Variants in STXBP5 observed in about 807,000 individuals in gnomAD.
STXBP5 encodes the protein syntaxin-binding protein 5.
STXBP5 carries 50 observed loss-of-function variants against 152.4 expected under a neutral mutation model. That is an observed-to-expected ratio of 0.33 (90% CI 0.26 to 0.42). The LOEUF (loss-of-function observed/expected upper bound fraction) is 0.42. Among genes scored for constraint, STXBP5 ranks in the 10% least tolerant of loss-of-function variants. STXBP5 has a pLI of 1.00. For missense variants in STXBP5, 1,167 were observed against 1,388.6 expected (o/e 0.84, Z 2.54); for synonymous variants, 492 against 494.7 (o/e 0.99, Z 0.07).
chr6:147,324,902 T>A, intron 16 of STXBP5, 57 bp from the exon 17 acceptor site: 1 of 1,344,178 alleles, frequency 7.4e-7, no homozygotes, highest in South Asian at 2.2e-5. Flanking sequence ...TTATTTATAA[T>A]CATATAGGCC....
rs781450170 is a variant in STXBP5, at chr6:147,359,319, A to G, written c.2541A>G (p.Pro847=). Residue 847 remains proline, a synonymous_variant, in exon 23 of 28, where the codon CCA becomes CCG. Transcript: ENST00000321680. ...QRLLQPVIVS[P]SGTILRLKGA... ...TTCTTCAGCCAGTAATTGTGTCTCC[A>G]AGTGGTATGTATTGCTGCTGCACTT... The G allele has an allele frequency of 2.4e-5, 38 of 1,613,174 alleles. No individual in the cohort carries two copies. In the Middle Eastern group the frequency reaches 1.2e-3, roughly 49 times the overall value.
intron 8 of STXBP5, among the ~76,000 whole-genome samples, chr6:147,278,415 G>A (rs1002773948): frequency 1.3e-5 from 2 of 152,058 alleles, no homozygotes; most frequent in African/African-American, 4.8e-5. Context: ...AGTTGAAATT[G>A]CAAATTTGAA....
chr6:147,377,048 AGAG>A (rs769660616), intron 26 of STXBP5, among the ~76,000 whole-genome samples: 7 of 151,948 alleles, frequency 4.6e-5, no homozygotes, highest in Non-Finnish European at 8.8e-5. Context: ...AGCTAATAGA[AGAG>A]ACAGTTTCTC....
At chr6:147,383,119 T>C in intron 27 of STXBP5, 121 bp downstream of exon 27, 1 of 1,204,422 alleles carries the variant, frequency 8.3e-7, no homozygotes, top group East Asian at 2.6e-5. Context: ...CATTGTACAA[T>C]TGCAAGTTCC....
intron 2 of STXBP5, among the ~76,000 whole-genome samples, chr6:147,221,950 GT>G (rs1275548935): frequency 1.3e-5 from 2 of 150,992 alleles, no homozygotes; most frequent in East Asian, 1.9e-4. Flanking sequence ...TTTTTTTCCA[GT>G]TTTTTTTCTC....
intron 20 of STXBP5, 36 bp downstream of exon 20, chr6:147,339,274 GTTTAATTTA>G: frequency 6.6e-7 from 1 of 1,507,688 alleles, no homozygotes; most frequent in Non-Finnish European, 8.9e-7. Flanking sequence ...TTTCTTTTAT[GTTTAATTTA>G]TTTAGTTTAC....
chr6:147,314,204 C>G, intron 12 of STXBP5, 60 bp from the exon 13 acceptor site: 1 of 1,434,822 alleles, frequency 7.0e-7, no homozygotes, highest in South Asian at 1.1e-5. Context: ...CACACACACA[C>G]ACACACGGAG....
intron 7 of STXBP5, among the ~76,000 whole-genome samples, chr6:147,272,440 TTGTAA>T (rs1452332763): frequency 2.0e-5 from 3 of 152,356 alleles, no homozygotes; most frequent in Non-Finnish European, 2.9e-5. Flanking sequence ...CTAAATTAAC[TTGTAA>T]TGTAAACTGA....
intron 9 of STXBP5, among the ~76,000 whole-genome samples, chr6:147,293,824 G>A (rs969842849): frequency 2.0e-5 from 3 of 152,100 alleles, no homozygotes; most frequent in Admixed American, 6.5e-5. Context: ...ATTGTTTATT[G>A]AATATATGTC....
At position 147,334,182 on chromosome 6, in the gene STXBP5, G is replaced by A. The variant is rs146077860; in HGVS notation, c.2106G>A (p.Gly702=). 709 of 1,612,396 alleles carry A rather than the reference G, an allele frequency of 4.4e-4. No homozygotes were observed. Among genetic ancestry groups the A allele is most frequent in the Middle Eastern group, 1.5e-3 (9 of 6,060 alleles). Reference sequence around the variant, plus strand: ...CCGGTCTGTGTGATATTAGTGAAGGGACTGTTGTTCCAGAGGATCGCTGCA... The same window carrying A: ...CCGGTCTGTGTGATATTAGTGAAGGAACTGTTGTTCCAGAGGATCGCTGCA... ...SGAGLCDISE[G]TVVPEDRCKS... The change falls in exon 19 of 28, where the codon GGG becomes GGA. Residue 702 remains glycine, a synonymous_variant. Coordinates refer to ENST00000321680, the MANE Select transcript of STXBP5 (RefSeq NM_001127715.4).
intron 4 of STXBP5, among the ~76,000 whole-genome samples, chr6:147,241,287 C>T (rs1778527309): frequency 1.3e-5 from 2 of 152,108 alleles, no homozygotes. Flanking sequence ...AAAATTGATA[C>T]ATTGTTGTTA....
At chr6:147,373,629 A>G in intron 25 of STXBP5, 102 bp from the exon 26 acceptor site, 1 of 744,628 alleles carries the variant, frequency 1.3e-6, no homozygotes, top group Non-Finnish European at 2.3e-6. Context: ...CTCAACAGGT[A>G]ATGTTCTGAG....
At chr6:147,303,560 T>C (rs771509556) in intron 9 of STXBP5, among the ~76,000 whole-genome samples, 17 of 152,162 alleles carry the variant, frequency 1.1e-4, no homozygotes, top group Admixed American at 7.9e-4. Context: ...GCTGAAAAGA[T>C]ATCCAAAAAT....
intron 10 of STXBP5, 126 bp from the exon 11 acceptor site, chr6:147,311,329 A>G: frequency 1.3e-6 from 1 of 769,652 alleles, no homozygotes; most frequent in Non-Finnish European, 2.2e-6. Context: ...TGCATGAAGT[A>G]TCATAGGATC....
intron 21 of STXBP5, among the ~76,000 whole-genome samples, chr6:147,348,515 A>T (rs1438501899): frequency 6.6e-6 from 1 of 152,180 alleles, no homozygotes; most frequent in Non-Finnish European, 1.5e-5. Flanking sequence ...TTTTGAGGGG[A>T]TATAGTTGTG....
intron 18 of STXBP5, among the ~76,000 whole-genome samples, chr6:147,330,696 G>A (rs766131366): frequency 4.9e-4 from 75 of 152,174 alleles, no homozygotes; most frequent in Non-Finnish European, 9.1e-4. Context: ...GATGACTTAT[G>A]GCAGCCTGTT....
At chr6:147,290,368 G>A (rs1781218124) in intron 8 of STXBP5, among the ~76,000 whole-genome samples, 1 of 152,200 alleles carries the variant, frequency 6.6e-6, no homozygotes, top group Admixed American at 6.5e-5. Context: ...GGTTAGGGGT[G>A]AGTGTCAGGA....
At chr6:147,288,509 T>C (rs1477506646) in intron 8 of STXBP5, among the ~76,000 whole-genome samples, 1 of 152,190 alleles carries the variant, frequency 6.6e-6, no homozygotes, top group Non-Finnish European at 1.5e-5. Context: ...AGATGATTTT[T>C]CATCTTGTTA....
At position 147,386,161 on chromosome 6, in the gene STXBP5, TATTG is replaced by T. The variant is rs2128425364; in HGVS notation, c.*1411_*1414del. 1 of 152,138 alleles carries T rather than the reference TATTG, an allele frequency of 6.6e-6. No individual in the cohort carries two copies. Among genetic ancestry groups the T allele is most frequent in the Non-Finnish European group, 1.5e-5 (1 of 67,926 alleles). The allele number at this position is 152,138 out of a possible 1,614,324, so 9.4% of individuals were successfully genotyped here. On this transcript the variant is annotated 3_prime_UTR_variant, in exon 28 of 28. Transcript: ENST00000321680. The stretch of plus-strand genomic sequence containing the variant: ...AGAATACAGACTAATCTGAGATTAT[TATTG>T]ATTGTTGTTAAAGCAACCCAGCAAA...
Sources: allele counts gnomAD v4.1 joint callset (sites outside exome capture counted in the v4.1 genomes callset), GRCh38; gene constraint gnomAD v4.1.1; transcripts MANE v1.5; gene names NCBI Gene and HGNC (gene_info 2026-07-23, HGNC 2026-07-21).